Variants in INTS10 observed in about 807,000 individuals in gnomAD.
The protein encoded by INTS10 is integrator complex subunit 10.
INTS10 carries 44 observed loss-of-function variants against 94.4 expected under a neutral mutation model. The ratio of observed to expected loss-of-function variants is 0.47; its 90% CI spans 0.37 to 0.60. The LOEUF (loss-of-function observed/expected upper bound fraction) is 0.60. Ranked by LOEUF, INTS10 falls within the 20% of genes least tolerant of loss-of-function variation. INTS10 has a pLI of 0.00. For missense variants in INTS10, 797 were observed against 868.7 expected (o/e 0.92, Z 1.04); for synonymous variants, 341 against 320.7 (o/e 1.06, Z -0.68).
rs1313326364 is a variant in INTS10 at position 19,830,545 on chromosome 8, A to G, written c.1280A>G (p.Glu427Gly). Residue 427 changes from glutamate to glycine, a missense_variant, in exon 10 of 17, where the codon GAA becomes GGA. Glu to Gly is a moderately conservative substitution (Grantham distance 98, BLOSUM62 -2). Transcript: ENST00000397977. ...AGCTGGGAGTTGCTCTATTCCCTAG[A>G]ATTCCTTGACAAAGGTAAGAAAGCG... ...RESWELLYSL[E>G]FLDKEFTRIC... 6.2e-7 allele frequency: 1 copy of G among 1,612,624 alleles called. No individual in the cohort carries two copies. The highest frequency in any genetic ancestry group is 1.7e-5 in the Admixed American group (1 of 59,636).
At chr8:19,832,648 C>G (rs141529388) in intron 11 of INTS10, among the ~76,000 whole-genome samples, 1 of 152,244 alleles carries the variant, frequency 6.6e-6, no homozygotes, top group Non-Finnish European at 1.5e-5. Context: ...TCACACCTCT[C>G]TGTAAAAGTA....
intron 6 of INTS10, 66 bp from the exon 7 acceptor site, chr8:19,823,807 T>A: frequency 1.5e-6 from 2 of 1,357,102 alleles, no homozygotes; most frequent in South Asian, 2.9e-5. Context: ...AGACTTTCTT[T>A]ATCAGGTACC....
At chr8:19,835,795 A>T (rs914263806) in intron 12 of INTS10, among the ~76,000 whole-genome samples, 1 of 152,232 alleles carries the variant, frequency 6.6e-6, no homozygotes, top group African/African-American at 2.4e-5. Context: ...CTTTTGGGGC[A>T]GTCAGCCATG....
At chr8:19,820,847 C>G (rs529041086) in intron 4 of INTS10, 2 of 184,520 alleles carry the variant, frequency 1.1e-5, no homozygotes, top group Admixed American at 6.0e-5. Flanking sequence ...TTAACAGATG[C>G]GTTTTTCCTG....
chr8:19,822,465 G>A lies in INTS10; in HGVS notation c.468G>A (p.Glu156=). 1 of 1,612,078 alleles carries A rather than the reference G, an allele frequency of 6.2e-7. No homozygotes were observed. Among genetic ancestry groups the A allele is most frequent in the Non-Finnish European group, 8.5e-7 (1 of 1,178,328 alleles). The change falls in exon 5 of 17, where the codon GAG becomes GAA. Residue 156 remains glutamate (E), a synonymous_variant. Coordinates refer to ENST00000397977, the MANE Select transcript of INTS10 (RefSeq NM_018142.4). ...TTGGCCTTGGGGAGGCACTATTAGAGGCTGAAACTATTGAAGAACAAGAAT... is the reference window on the plus strand; with the variant it reads ...TTGGCCTTGGGGAGGCACTATTAGAAGCTGAAACTATTGAAGAACAAGAAT... ...HGVGLGEALL[E]AETIEEQESP...
In INTS10 at chr8:19,826,543, G is replaced by A; in HGVS notation, c.1124G>A (p.Gly375Glu). ...HIHKKRKLAE[G>E]REKTMSSDDE... ...CATAAAAAGAGGAAACTAGCTGAAG[G>A]AAGAGAAAAAACCATGGTAAGGCTT... The change falls in exon 9 of 17, where the codon GGA (glycine) becomes GAA (glutamate). Residue 375 changes from glycine to glutamate, a missense_variant. Transcript: ENST00000397977. 1.2e-6 allele frequency: 2 copies of A among 1,610,616 alleles called. No individual in the cohort carries two copies. Among genetic ancestry groups the A allele is most frequent in the Non-Finnish European group, 1.7e-6 (2 of 1,179,042 alleles).
chr8:19,818,528 AATT>A (rs2066120640), intron 2 of INTS10, 186 bp downstream of exon 2: 7 of 580,082 alleles, frequency 1.2e-5, no homozygotes, highest in Middle Eastern at 4.3e-4. Flanking sequence ...AGAAGAGTTT[AATT>A]ATTATTCTTA....
Position 19,852,054 on chromosome 8 carries a change from TC to T in INTS10, c.*251del. 3.1e-6 allele frequency: 1 copy of T among 323,500 alleles called. No individual in the cohort carries two copies. The highest frequency in any genetic ancestry group is 5.6e-6 in the Non-Finnish European group (1 of 177,404). 20.0% of individuals were successfully genotyped at this position (323,500 alleles called of 1,614,324 possible). On this transcript the variant is annotated 3_prime_UTR_variant, in exon 17 of 17. Transcript: ENST00000397977. ...CAATCTGTTTTGTAAATAAAAATCA[TC>T]CTAAAATTTGAAGTTTTTAAAAATT...
chr8:19,849,024 G>A lies in INTS10; in HGVS notation c.1977-2625G>A, dbSNP rs996557147. ...CCAGTCTCCTTAAACACCCAGCCAC[G>A]GCCAGGGGCTTGTTGAGGTTAATGA... On this transcript the variant is annotated intron_variant, in intron 16 of 16. Coordinates refer to ENST00000397977, the MANE Select transcript of INTS10 (RefSeq NM_018142.4). The surrounding 1 kb of genome is among the most constrained non-coding windows in gnomAD (Gnocchi z 4.6). 3.0e-6 allele frequency: 1 copy of A among 335,494 alleles called. No homozygotes were observed. Among genetic ancestry groups the A allele is most frequent in the Non-Finnish European group, 6.2e-6 (1 of 162,472 alleles). The allele number at this position is 335,494 out of a possible 1,614,324, so 20.8% of individuals were successfully genotyped here. A position where few individuals can be genotyped will look rare whatever the true frequency, so the allele number is the denominator to read the frequency against.
chr8:19,829,015 G>A (rs2067026844), intron 9 of INTS10, among the ~76,000 whole-genome samples: 1 of 152,186 alleles, frequency 6.6e-6, no homozygotes, highest in Admixed American at 6.5e-5. Flanking sequence ...AAAGGAAGGT[G>A]GGCAGTGGAG....
chr8:19,830,632 C>T, intron 10 of INTS10, 73 bp downstream of exon 10: 1 of 1,376,880 alleles, frequency 7.3e-7, no homozygotes, highest in Non-Finnish European at 1.0e-6. Flanking sequence ...AATGTCAGGT[C>T]ACTTACGGCA....
intron 3 of INTS10, 102 bp downstream of exon 3, chr8:19,819,778 T>G: frequency 2.4e-6 from 2 of 819,132 alleles, no homozygotes; most frequent in Non-Finnish European, 2.0e-6. Flanking sequence ...TAACCATATG[T>G]ATGTTTTATT....
At chr8:19,830,952 G>A (rs1371033456) in intron 10 of INTS10, among the ~76,000 whole-genome samples, 2 of 152,148 alleles carry the variant, frequency 1.3e-5, no homozygotes, top group East Asian at 1.9e-4. Context: ...GATTACAGGC[G>A]TGAGCCACCA....
chr8:19,835,499 C>A (rs2067581130), intron 12 of INTS10, among the ~76,000 whole-genome samples: 1 of 152,152 alleles, frequency 6.6e-6, no homozygotes, highest in Admixed American at 6.5e-5. Flanking sequence ...GTCATAGGCA[C>A]AATAGGCATT....
At chr8:19,825,871 A>G (rs2066750669) in intron 8 of INTS10, among the ~76,000 whole-genome samples, 2 of 152,210 alleles carry the variant, frequency 1.3e-5, no homozygotes, top group Admixed American at 6.5e-5. Context: ...ACAAATACAA[A>G]GAAGGAACCG....
intron 6 of INTS10, 24 bp downstream of exon 6, chr8:19,823,465 T>C (rs758369386): frequency 2.5e-5 from 38 of 1,518,018 alleles, no homozygotes; most frequent in Non-Finnish European, 3.2e-5. Context: ...CCCTGTACTT[T>C]TACTTAAATA....
At chr8:19,826,918 A>G (rs1293665656) in intron 9 of INTS10, among the ~76,000 whole-genome samples, 2 of 152,198 alleles carry the variant, frequency 1.3e-5, no homozygotes, top group Non-Finnish European at 2.9e-5. Flanking sequence ...TTAAACAACA[A>G]AAGCAAAATG....
intron 5 of INTS10, 133 bp downstream of exon 5, chr8:19,822,653 T>TTTAGA: frequency 1.8e-6 from 1 of 557,832 alleles, no homozygotes; most frequent in Non-Finnish European, 3.1e-6. Context: ...CTTTTTTTTT[T>TTTAGA]AATTTAGAAG....
At position 19,817,551 on chromosome 8, in the gene INTS10, G is replaced by A; in HGVS notation, c.14G>A (p.Gly5Glu). 12 of 1,608,318 alleles carry A rather than the reference G, an allele frequency of 7.5e-6. No individual in the cohort carries two copies. Among genetic ancestry groups the A allele is most frequent in the Non-Finnish European group, 1.0e-5 (12 of 1,178,368 alleles). The change falls in exon 1 of 17, where the codon GGG (glycine) becomes GAG (glutamate). Residue 5 changes from glycine (G) to glutamate (E), a missense_variant. Gly to Glu is a moderately conservative substitution (Grantham distance 98). Coordinates refer to ENST00000397977, the MANE Select transcript of INTS10 (RefSeq NM_018142.4). MSAQ[G>E]DCEFLVQRAR... ...AGCGCTCGGGTCATGTCTGCCCAGGGGGACTGCGAGTTCCTGGTGCAGCGA... is the reference window on the plus strand; with the variant it reads ...AGCGCTCGGGTCATGTCTGCCCAGGAGGACTGCGAGTTCCTGGTGCAGCGA...
Sources: allele counts gnomAD v4.1 joint callset (sites outside exome capture counted in the v4.1 genomes callset), GRCh38; gene constraint gnomAD v4.1.1; non-coding constraint Gnocchi (gnomAD v3.1); transcripts MANE v1.5; gene names NCBI Gene and HGNC (gene_info 2026-07-23, HGNC 2026-07-21).